WDR25: variants seen among roughly 807,000 people sequenced by gnomAD.
WDR25 encodes WD repeat domain 25, also known as WD repeat-containing protein 25.
In WDR25, 35 loss-of-function variants were observed where a neutral mutation model predicts 47.7. The ratio of observed to expected loss-of-function variants is 0.73; its 90% confidence interval spans 0.56 to 0.97. WDR25 has a LOEUF of 0.97. WDR25 is among the 50% of genes least tolerant of loss of function. The probability of loss-of-function intolerance (pLI) is 0.00; values close to 1 mark genes in which losing one functional copy is unlikely to be tolerated. For synonymous variants in WDR25, 248 were observed against 278.9 expected, an observed-to-expected ratio of 0.89 and a Z score of 1.10; for missense variants, 634 against 704.7, an observed-to-expected ratio of 0.90 and a Z score of 1.14.
intron 4 of WDR25, among the ~76,000 whole-genome samples, chr14:100,492,897 G>T (rs754881295): frequency 6.6e-6 from 1 of 152,032 alleles, no homozygotes; most frequent in African/African-American, 2.4e-5. Flanking sequence ...CTGCATCCTC[G>T]AACTCCTGGG....
At chr14:100,406,886 A>C (rs1407404685) in intron 2 of WDR25, 1 of 152,396 alleles carries the variant, frequency 6.6e-6, no homozygotes, top group African/African-American at 2.4e-5. Context: ...TGTGGTTTAA[A>C]GACTTGGCAG....
At chr14:100,490,438 G>A (rs930765028) in intron 4 of WDR25, among the ~76,000 whole-genome samples, 1 of 152,234 alleles carries the variant, frequency 6.6e-6, no homozygotes, top group Non-Finnish European at 1.5e-5. Flanking sequence ...TTCCCCTCCT[G>A]TGGGCATCCT....
chr14:100,434,983 T>A (rs1898457071), intron 2 of WDR25, among the ~76,000 whole-genome samples: 1 of 152,244 alleles, frequency 6.6e-6, no homozygotes, highest in African/African-American at 2.4e-5. Flanking sequence ...CTGAGGGGTC[T>A]GTTGTGGTCT....
At chr14:100,401,950 T>A (rs999221151) in intron 2 of WDR25, among the ~76,000 whole-genome samples, 2 of 152,250 alleles carry the variant, frequency 1.3e-5, no homozygotes, top group Non-Finnish European at 2.9e-5. Context: ...GGGGTACAAC[T>A]GGCATTAGCA....
intron 2 of WDR25, among the ~76,000 whole-genome samples, chr14:100,415,719 G>A (rs771344717): frequency 8.5e-5 from 13 of 152,174 alleles, no homozygotes; most frequent in Non-Finnish European, 1.5e-4. Context: ...ATCGCTATGG[G>A]AACTGGGGCT....
rs193002773 is a variant in WDR25 at position 100,384,097 on chromosome 14, C to T, written c.822+2351C>T. 7.0e-4 allele frequency among the ~76,000 whole-genome samples: 107 copies of T among 152,158 alleles called. 1 individual carries two copies. In the East Asian group the frequency reaches 0.019, roughly 26 times the overall value. On this transcript the variant is annotated intron_variant, in intron 2 of 6. Transcript: ENST00000402312. ...GGGCTGCCAGGCAGCTTCTGGGGAG[C>T]CCCACCCACTGCACTGTGCACCCTG...
chr14:100,404,243 G>A lies in WDR25; in HGVS notation c.822+22497G>A, dbSNP rs527998643. 1.9e-4 allele frequency among the ~76,000 whole-genome samples: 29 copies of A among 152,352 alleles called. No homozygotes were observed. Among genetic ancestry groups the A allele is most frequent in the African/African-American group, 6.3e-4 (26 of 41,584 alleles). ...TGGGGCTGAGAGGGCCTCAGGGCAC[G>A]GTGCTGCAAGGTGCGGAGCTGGGAA... On this transcript the variant is annotated intron_variant, in intron 2 of 6. Coordinates refer to ENST00000402312, the MANE Select transcript of WDR25 (RefSeq NM_001161476.3). The surrounding 1 kb of genome is among the most constrained non-coding windows in gnomAD (Gnocchi z 4.6).
intron 3 of WDR25, chr14:100,476,329 C>T (rs1900015710): frequency 6.6e-6 from 1 of 152,218 alleles, no homozygotes; most frequent in Non-Finnish European, 1.5e-5. Flanking sequence ...TAGTAAGTTT[C>T]TTTTCTCGTT....
intron 2 of WDR25, chr14:100,382,202 C>T (rs982573681): frequency 5.4e-5 from 38 of 702,870 alleles, no homozygotes; most frequent in Middle Eastern, 2.3e-4. Context: ...AGGCGGGAGC[C>T]GTGGACAAGT....
At chr14:100,493,931 CTGTT>C (rs1489586201) in intron 4 of WDR25, among the ~76,000 whole-genome samples, 4 of 152,340 alleles carry the variant, frequency 2.6e-5, no homozygotes, top group Admixed American at 2.0e-4. Context: ...AGACAGATGA[CTGTT>C]TGCAAACCTG....
Position 100,528,904 on chromosome 14 carries a change from ATGTGTG to A in WDR25, c.1273-160_1273-155del, listed in dbSNP as rs372940395. The stretch of plus-strand genomic sequence containing the variant: ...GACTCGCAGGACTGTGTGATGTGAA[ATGTGTG>A]TGTCTTGAGCCACCAAGCTTGTGGT... On this transcript the variant is annotated intron_variant, in intron 5 of 6. Transcript: ENST00000402312. Among the ~76,000 whole-genome samples, 103 of 152,268 alleles carry A rather than the reference ATGTGTG, an allele frequency of 6.8e-4. 2 individuals are homozygous for A. In the East Asian group the frequency reaches 0.014, roughly 21 times the overall value.
intron 1 of WDR25, among the ~76,000 whole-genome samples, chr14:100,379,884 G>C (rs1010011036): frequency 6.6e-6 from 1 of 151,788 alleles, no homozygotes; most frequent in Non-Finnish European, 1.5e-5. Flanking sequence ...TGGGACTACA[G>C]GTGCGTGCCA....
intron 4 of WDR25, among the ~76,000 whole-genome samples, chr14:100,521,616 T>C (rs925990554): frequency 1.3e-5 from 2 of 152,168 alleles, no homozygotes; most frequent in African/African-American, 4.8e-5. Context: ...TGCGTAGTGG[T>C]CCAGAGTATT....
At chr14:100,406,322 AG>A (rs957354405) in intron 2 of WDR25, among the ~76,000 whole-genome samples, 30 of 152,174 alleles carry the variant, frequency 2.0e-4, no homozygotes, top group African/African-American at 7.2e-4. Flanking sequence ...AGGGGTATGA[AG>A]GGCAAGTCAG....
At chr14:100,455,628 T>C (rs1435971743) in intron 2 of WDR25, 1 of 151,846 alleles carries the variant, frequency 6.6e-6, no homozygotes, top group Non-Finnish European at 1.5e-5. Context: ...AAACCAAAGA[T>C]GAAGAGAAAA....
In WDR25 at chr14:100,459,882, A is replaced by ATGTG. The variant is rs1196765655; in HGVS notation, c.823-8129_823-8126dup. Among the ~76,000 whole-genome samples, 220 of 71,980 alleles carry ATGTG rather than the reference A, an allele frequency of 3.1e-3. 2 individuals carry two copies. The highest frequency in any genetic ancestry group is 5.9e-3 in the East Asian group (15 of 2,526). 47.2% of individuals were successfully genotyped at this position (71,980 alleles called of 152,430 possible). On this transcript the variant is annotated intron_variant, in intron 2 of 6. Coordinates refer to ENST00000402312, the MANE Select transcript of WDR25 (RefSeq NM_001161476.3). ...AATGGATATATATATATATCCGTATATGTGTGTGTGTGTATATATATATAT... is the reference window on the plus strand; with the variant it reads ...AATGGATATATATATATATCCGTATATGTGTGTGTGTGTGTGTATATATATATAT...
chr14:100,517,328 C>T (rs1252257977), intron 4 of WDR25, among the ~76,000 whole-genome samples: 7 of 151,838 alleles, frequency 4.6e-5, no homozygotes, highest in South Asian at 2.1e-4. Context: ...CCACCCGCCT[C>T]GGCCTCCCAA....
At chr14:100,483,612 G>A (rs1900280231) in intron 3 of WDR25, among the ~76,000 whole-genome samples, 1 of 152,234 alleles carries the variant, frequency 6.6e-6, no homozygotes, top group Admixed American at 6.5e-5. Flanking sequence ...TAACTGTAGA[G>A]CCTTGGAAAT....
At chr14:100,400,979 A>G (rs1177784578) in intron 2 of WDR25, among the ~76,000 whole-genome samples, 5 of 152,248 alleles carry the variant, frequency 3.3e-5, no homozygotes, top group Non-Finnish European at 7.3e-5. Context: ...GATCTTTGCA[A>G]ATAAAAGAAT....
Sources: allele counts gnomAD v4.1 joint callset (sites outside exome capture counted in the v4.1 genomes callset), GRCh38; gene constraint gnomAD v4.1.1; non-coding constraint Gnocchi (gnomAD v3.1); transcripts MANE v1.5; gene names NCBI Gene and HGNC (gene_info 2026-07-23, HGNC 2026-07-21).